Variants in KLHL13 observed in about 807,000 individuals in gnomAD.
KLHL13 encodes kelch like family member 13.
A neutral mutation model predicts 37.1 loss-of-function variants in KLHL13; 10 were observed. The observed-to-expected ratio is 0.27, with a 90% confidence interval of 0.17 to 0.46. KLHL13 has a LOEUF of 0.46. Ranked by LOEUF, KLHL13 falls within the 20% of genes least tolerant of loss-of-function variation. The pLI, the probability that KLHL13 is intolerant of heterozygous loss-of-function variation, is 1.00. For missense variants in KLHL13, 360 were observed against 509.3 expected, an observed-to-expected ratio of 0.71 and a Z score of 2.82; for synonymous variants, 163 against 181.2, an observed-to-expected ratio of 0.90 and a Z score of 0.81.
At chrX:118,009,873 C>G (rs2054039120) in intron 1 of KLHL13, among the ~76,000 whole-genome samples, 1 of 100,244 alleles carries the variant, frequency 1.0e-5, no homozygotes, top group Non-Finnish European at 2.0e-5. Context: ...TTGATTCTTC[C>G]TACCCATGAG....
chrX:117,986,385 G>A (rs1270028123), intron 1 of KLHL13, among the ~76,000 whole-genome samples: 1 of 111,771 alleles, frequency 8.9e-6, no homozygotes, highest in Non-Finnish European at 1.9e-5. Context: ...GGTACATAGT[G>A]TTGAGTGGAG....
chrX:117,931,699 C>A (rs1352825756), intron 2 of KLHL13, among the ~76,000 whole-genome samples: 1 of 111,858 alleles, frequency 8.9e-6, no homozygotes, highest in Non-Finnish European at 1.9e-5. Context: ...CAATTTAGAG[C>A]AAGACTAGTA....
At chrX:118,082,805 T>C (rs1302597194) in intron 1 of KLHL13, among the ~76,000 whole-genome samples, 1 of 111,922 alleles carries the variant, frequency 8.9e-6, no homozygotes, top group African/African-American at 3.2e-5. Context: ...CTTTTCATTT[T>C]TCTGCATATG....
chrX:118,081,642 T>C (rs756286874), intron 1 of KLHL13, among the ~76,000 whole-genome samples: 60 of 111,595 alleles, frequency 5.4e-4, no homozygotes, highest in African/African-American at 1.1e-3. Context: ...CAATAAATTA[T>C]TGTTAACTAC....
intron 1 of KLHL13, among the ~76,000 whole-genome samples, chrX:117,956,854 A>G (rs1241351499): frequency 8.9e-6 from 1 of 111,970 alleles, no homozygotes; most frequent in Non-Finnish European, 1.9e-5. Context: ...CATCATTTTT[A>G]CATCTTCAAA....
chrX:117,929,080 TCA>T (rs987650066), intron 2 of KLHL13, among the ~76,000 whole-genome samples: 76 of 112,196 alleles, frequency 6.8e-4, no homozygotes, highest in African/African-American at 2.4e-3. Context: ...ATTTGACAAC[TCA>T]GTTTAAATGG....
chrX:117,993,963 C>T (rs1468012010), intron 1 of KLHL13, among the ~76,000 whole-genome samples: 2 of 108,791 alleles, frequency 1.8e-5, no homozygotes, highest in African/African-American at 3.3e-5. Flanking sequence ...CTCGAACTCC[C>T]GACCTCAGAT....
intron 1 of KLHL13, among the ~76,000 whole-genome samples, chrX:117,994,107 C>T (rs2053826979): frequency 8.9e-6 from 1 of 111,911 alleles, no homozygotes; most frequent in African/African-American, 3.3e-5. Context: ...AAATGGTTTC[C>T]CACCAACTCC....
intron 2 of KLHL13, among the ~76,000 whole-genome samples, chrX:117,928,497 A>T (rs966907180): frequency 6.2e-5 from 7 of 112,096 alleles, no homozygotes; most frequent in African/African-American, 2.3e-4. Context: ...AAGTCATACA[A>T]ATTATTAATA....
intron 1 of KLHL13, among the ~76,000 whole-genome samples, chrX:117,995,201 C>G (rs1196322046): frequency 8.9e-6 from 1 of 112,037 alleles, no homozygotes; most frequent in Non-Finnish European, 1.9e-5. Flanking sequence ...TTCTTTAAAA[C>G]TTACATTTAT....
intron 1 of KLHL13, among the ~76,000 whole-genome samples, chrX:118,024,949 T>G (rs1159554482): frequency 1.8e-5 from 2 of 112,398 alleles, no homozygotes; most frequent in Admixed American, 1.9e-4. Context: ...GTTTTATGCA[T>G]TATAGCCAAA....
At chrX:118,016,369 G>C (rs1384519711) in intron 1 of KLHL13, among the ~76,000 whole-genome samples, 1 of 111,296 alleles carries the variant, frequency 9.0e-6, no homozygotes, top group Non-Finnish European at 1.9e-5. Flanking sequence ...AATTCAGTTA[G>C]CCTACTTTAC....
intron 1 of KLHL13, among the ~76,000 whole-genome samples, chrX:117,971,053 A>C (rs1179012657): frequency 9.0e-6 from 1 of 111,476 alleles, no homozygotes; most frequent in South Asian, 3.7e-4. Context: ...GTAAGCACTT[A>C]AAAGGAAGAA....
At chrX:117,950,516 T>C (rs1329191411) in intron 1 of KLHL13, among the ~76,000 whole-genome samples, 2 of 111,760 alleles carry the variant, frequency 1.8e-5, no homozygotes, top group Non-Finnish European at 1.9e-5. Context: ...GTGTCAAAAG[T>C]ATAATATAGA....
chrX:118,018,010 C>T (rs114988422), intron 1 of KLHL13, among the ~76,000 whole-genome samples: 338 of 111,539 alleles, frequency 3.0e-3, no homozygotes, highest in African/African-American at 0.01. Context: ...TAGACATTAC[C>T]ATAATGCATG....
chrX:118,084,663 T>C (rs1237265679), intron 1 of KLHL13, among the ~76,000 whole-genome samples: 4 of 111,541 alleles, frequency 3.6e-5, no homozygotes, highest in Admixed American at 1.9e-4. Context: ...AACCATAATG[T>C]CTCTATGTAG....
chrX:118,065,034 A>G (rs905198781), intron 1 of KLHL13, among the ~76,000 whole-genome samples: 3 of 111,712 alleles, frequency 2.7e-5, no homozygotes, highest in Non-Finnish European at 5.7e-5. Context: ...TCTTTAGCCT[A>G]TAACACCTTC....
intron 1 of KLHL13, among the ~76,000 whole-genome samples, chrX:118,020,019 A>T (rs185980704): frequency 9.1e-6 from 1 of 110,065 alleles, no homozygotes; most frequent in African/African-American, 3.3e-5. Flanking sequence ...GTTTTTTCCA[A>T]TTCTGTGAAG....
chrX:118,069,109 TCACACACACACACACACACA>T (rs771534683), intron 1 of KLHL13, among the ~76,000 whole-genome samples: 1 of 84,002 alleles, frequency 1.2e-5, no homozygotes, highest in Non-Finnish European at 2.3e-5. Context: ...TCCAGAAGAG[TCACACACACACACACACACA>T]CACACACACA....
Sources: allele counts gnomAD v4.1 joint callset (sites outside exome capture counted in the v4.1 genomes callset), GRCh38; gene constraint gnomAD v4.1.1; transcripts MANE v1.5; gene names NCBI Gene and HGNC (gene_info 2026-07-23, HGNC 2026-07-21).